CYTIP: variants seen among roughly 807,000 people sequenced by gnomAD.
The protein encoded by CYTIP is cytohesin-interacting protein.
Under a neutral mutation model 43.8 loss-of-function variants are expected in CYTIP, and 26 were observed. The observed-to-expected ratio is 0.59, with a 90% CI of 0.44 to 0.82. The LOEUF (loss-of-function observed/expected upper bound fraction) is 0.82, where lower values mean the gene tolerates loss of function less well. Ranked by LOEUF, CYTIP falls within the 40% of genes least tolerant of loss-of-function variation. The pLI is 0.00. For synonymous variants in CYTIP, 162 were observed against 162.9 expected, an observed-to-expected ratio of 0.99 and a Z score of 0.04; for missense variants, 426 against 443.1, an observed-to-expected ratio of 0.96 and a Z score of 0.35.
chr2:157,429,839 C>T (rs568932285), intron 5 of CYTIP, among the ~76,000 whole-genome samples: 6 of 151,608 alleles, frequency 4.0e-5, no homozygotes, highest in South Asian at 2.1e-4. Context: ...CTGGCTAACA[C>T]GATGAAACCC....
chr2:157,433,020 C>A (rs866248558), intron 3 of CYTIP, among the ~76,000 whole-genome samples: 1 of 152,010 alleles, frequency 6.6e-6, no homozygotes, highest in African/African-American at 2.4e-5. Context: ...TCTTGCTCCA[C>A]GGAGAATAAG....
chr2:157,434,530 T>A, intron 2 of CYTIP, 106 bp from the exon 3 acceptor site: 1 of 1,028,930 alleles, frequency 9.7e-7, no homozygotes, highest in Non-Finnish European at 1.5e-6. Context: ...TAACTGACAT[T>A]TATGTAAATT....
Position 157,434,442 on chromosome 2 carries a change from A to T in CYTIP, c.225-18T>A, listed in dbSNP as rs1223771843. On this transcript the variant is annotated intron_variant, in intron 2 of 7. Transcript: ENST00000264192. Reference sequence around the variant, plus strand: ...CAAGCTTTCTGTAATAAAAATGTTTAAAAAAGAAACTGCATGAAAATTAAA... The same window carrying T: ...CAAGCTTTCTGTAATAAAAATGTTTTAAAAAGAAACTGCATGAAAATTAAA... 1.9e-6 allele frequency: 3 copies of T among 1,585,620 alleles called. No individual in the cohort carries two copies. Among genetic ancestry groups the T allele is most frequent in the African/African-American group, 1.4e-5 (1 of 74,012 alleles).
chr2:157,422,663 T>A (rs536767073), intron 6 of CYTIP, among the ~76,000 whole-genome samples: 4 of 138,730 alleles, frequency 2.9e-5, no homozygotes, highest in Non-Finnish European at 3.1e-5. Flanking sequence ...AGGGCGAAAC[T>A]CTGTCTCAAA....
At chr2:157,441,868 C>T (rs1411637767) in intron 1 of CYTIP, among the ~76,000 whole-genome samples, 5 of 152,186 alleles carry the variant, frequency 3.3e-5, no homozygotes, top group Admixed American at 6.5e-5. Context: ...AGTCTCTACT[C>T]ACTAATCCAC....
intron 4 of CYTIP, 69 bp downstream of exon 4, chr2:157,430,791 T>G: frequency 1.3e-6 from 2 of 1,491,368 alleles, no homozygotes; most frequent in Non-Finnish European, 1.8e-6. Context: ...CATCCTGACC[T>G]TCACTCTCAA....
chr2:157,434,165 A>G (rs1685756134), intron 3 of CYTIP: 1 of 609,460 alleles, frequency 1.6e-6, no homozygotes. Flanking sequence ...AGCATATCGC[A>G]GAGGTTTTGT....
In CYTIP at chr2:157,434,749, T is replaced by TG. The variant is rs1472426425; in HGVS notation, c.175-3dup. Reference sequence around the variant, plus strand: ...AGAACTTGATCTGGTCAAAGCAAGCTGAAAAACACAAAAGACATATAGTTA... The same window carrying TG: ...AGAACTTGATCTGGTCAAAGCAAGCTGGAAAAACACAAAAGACATATAGTTA... On this transcript the variant is annotated splice_region_variant and splice_polypyrimidine_tract_variant and intron_variant, in intron 1 of 7. Transcript: ENST00000264192. 1 of 1,609,758 alleles carries TG rather than the reference T, an allele frequency of 6.2e-7. No homozygotes were observed. Among genetic ancestry groups the TG allele is most frequent in the East Asian group, 2.2e-5 (1 of 44,794 alleles).
chr2:157,418,351 C>G (rs1685469692), intron 7 of CYTIP, among the ~76,000 whole-genome samples, 172 bp downstream of exon 7: 1 of 152,158 alleles, frequency 6.6e-6, no homozygotes, highest in Non-Finnish European at 1.5e-5. Context: ...TGCCTTACCC[C>G]TCCTCCAAAT....
chr2:157,415,896 G>C lies in CYTIP; in HGVS notation c.861C>G (p.Pro287=). ...QTSTDDECFI[P]KEGDDFLRRS... is the part of the protein sequence containing the mutation. Reference sequence around the variant, plus strand: ...TCCTCAGAAAATCATCCCCCTCCTTGGGGATAAAGCACTCATCATCTGTAC... The same window carrying C: ...TCCTCAGAAAATCATCCCCCTCCTTCGGGATAAAGCACTCATCATCTGTAC... The change falls in exon 8 of 8, where the codon CCC becomes CCG. Residue 287 remains proline (P), a synonymous_variant. Coordinates refer to ENST00000264192, the MANE Select transcript of CYTIP (RefSeq NM_004288.5). The C allele has an allele frequency of 6.2e-7, 1 of 1,614,158 alleles. No homozygotes were observed. The highest frequency in any genetic ancestry group is 8.5e-7 in the Non-Finnish European group (1 of 1,180,026).
At chr2:157,423,545 A>G (rs1047000064) in intron 6 of CYTIP, among the ~76,000 whole-genome samples, 8 of 151,158 alleles carry the variant, frequency 5.3e-5, no homozygotes, top group Non-Finnish European at 1.0e-4. Flanking sequence ...TCCCATCAAA[A>G]AAGAATCCTA....
chr2:157,427,497 C>T (rs369768270), intron 5 of CYTIP, 77 bp from the exon 6 acceptor site: 10 of 990,266 alleles, frequency 1.0e-5, no homozygotes, highest in South Asian at 7.5e-5. Flanking sequence ...AAGTACCATA[C>T]TACAGAGTAC....
intron 1 of CYTIP, among the ~76,000 whole-genome samples, chr2:157,441,763 T>C (rs1051357089): frequency 3.9e-5 from 6 of 152,300 alleles, no homozygotes; most frequent in African/African-American, 1.4e-4. Flanking sequence ...GACTCCTCCG[T>C]CTTCAGTCCC....
chr2:157,438,940 C>T (rs770382068), intron 1 of CYTIP: 7 of 424,414 alleles, frequency 1.6e-5, no homozygotes, highest in South Asian at 1.1e-4. Context: ...TTCATCCAAT[C>T]GGTCTTTTGA....
chr2:157,419,920 G>A (rs1685493555), intron 6 of CYTIP, among the ~76,000 whole-genome samples: 1 of 152,240 alleles, frequency 6.6e-6, no homozygotes, highest in South Asian at 2.1e-4. Flanking sequence ...TTTGATACTA[G>A]TAACAATTAA....
At chr2:157,429,739 TG>T (rs1418797236) in intron 5 of CYTIP, among the ~76,000 whole-genome samples, 1 of 152,106 alleles carries the variant, frequency 6.6e-6, no homozygotes, top group Admixed American at 6.5e-5. Context: ...TTAAGAAGTT[TG>T]GGGCCAGGGG....
chr2:157,434,692 C>G lies in CYTIP; in HGVS notation c.224+6G>C. The G allele has an allele frequency of 6.2e-7, 1 of 1,606,894 alleles. No individual in the cohort carries two copies. Among genetic ancestry groups the G allele is most frequent in the Non-Finnish European group, 8.5e-7 (1 of 1,174,982 alleles). On this transcript the variant is annotated splice_donor_region_variant and intron_variant, in intron 2 of 7. Transcript: ENST00000264192. The stretch of plus-strand genomic sequence containing the variant: ...GGAGAGACAAAAAATAATTCAATCT[C>G]TTTACCTTTGAGACCAGGAAAAGTC...
chr2:157,431,200 G>T (rs1243284498), intron 3 of CYTIP, among the ~76,000 whole-genome samples: 1 of 152,088 alleles, frequency 6.6e-6, no homozygotes. Context: ...AGTGGCTCAA[G>T]ATTTTATATT....
chr2:157,429,850 C>T (rs189885032), intron 5 of CYTIP, among the ~76,000 whole-genome samples: 237 of 151,822 alleles, frequency 1.6e-3, no homozygotes, highest in African/African-American at 5.6e-3. Flanking sequence ...GATGAAACCC[C>T]GTCTCTACTA....
Sources: gnomAD v4.1 joint callset for allele counts (sites outside exome capture counted in the v4.1 genomes callset) on GRCh38, gnomAD v4.1.1 for gene constraint, MANE v1.5 for transcripts, NCBI Gene and HGNC (gene_info 2026-07-23, HGNC 2026-07-21) for gene names.